The following CPEB1 variants were observed in gnomAD, a reference collection of about 807,000 sequenced individuals.
CPEB1 encodes the protein cytoplasmic polyadenylation element binding protein 1.
In CPEB1, 7 loss-of-function variants were observed where a neutral mutation model predicts 65.8. The ratio of observed to expected loss-of-function variants is 0.11; its 90% CI spans 0.06 to 0.20. The LOEUF (loss-of-function observed/expected upper bound fraction) is 0.20. CPEB1 is among the 10% of genes least tolerant of loss of function. The pLI is 1.00. For synonymous variants in CPEB1, 262 were observed against 260.0 expected (o/e 1.01, Z -0.08); for missense variants, 551 against 712.2 (o/e 0.77, Z 2.58).
intron 1 of CPEB1, chr15:82,633,242 TTTAA>T (rs1399970023): frequency 1.2e-4 from 19 of 152,248 alleles, no homozygotes; most frequent in African/African-American, 4.6e-4. Flanking sequence ...AAAACAATTC[TTTAA>T]TTAAAAAATT....
chr15:82,599,791 T>C (rs565830634), intron 3 of CPEB1, among the ~76,000 whole-genome samples: 2 of 152,182 alleles, frequency 1.3e-5, no homozygotes, highest in African/African-American at 4.8e-5. Context: ...GCCCAAAATC[T>C]CCTGCTGTGA....
chr15:82,584,056 G>C (rs1023237161), intron 3 of CPEB1, among the ~76,000 whole-genome samples: 4 of 150,912 alleles, frequency 2.7e-5, no homozygotes, highest in African/African-American at 9.8e-5. Flanking sequence ...TCAGGAGACA[G>C]AAACCATCCT....
At chr15:82,571,749 C>T (rs1461202283) in intron 3 of CPEB1, 11 of 1,385,946 alleles carry the variant, frequency 7.9e-6, no homozygotes, top group Non-Finnish European at 1.0e-5. Context: ...CACCCCTATC[C>T]CGTCTGCATT....
At chr15:82,638,504 C>A (rs1361960330) in intron 1 of CPEB1, 1 of 152,184 alleles carries the variant, frequency 6.6e-6, no homozygotes. Context: ...TTCTTCAGTG[C>A]TCAAATTGTA....
Position 82,571,464 on chromosome 15 carries a change from G to C in CPEB1, c.340C>G (p.Arg114Gly), listed in dbSNP as rs200188266. 2 of 1,614,032 alleles carry C rather than the reference G, an allele frequency of 1.2e-6. No individual in the cohort carries two copies. The highest frequency in any genetic ancestry group is 1.7e-6 in the Non-Finnish European group (2 of 1,180,018). ...LFPTSAQESS[R>G]GLPDANDLCL... ...AAGTCATTTGCATCTGGGAGGCCAC[G>C]GGAAGATTCTTGCGCAGAGGTTGGG... The change falls in exon 4 of 13, where the codon CGT (arginine) becomes GGT (glycine). Residue 114 changes from arginine (R) to glycine (G), a missense_variant. Transcript: ENST00000684509.
chr15:82,578,053 T>C (rs1335372436), intron 3 of CPEB1, among the ~76,000 whole-genome samples: 1 of 151,976 alleles, frequency 6.6e-6, no homozygotes, highest in Non-Finnish European at 1.5e-5. Flanking sequence ...GGCAGAAGAA[T>C]GGCGTGAACC....
chr15:82,626,718 C>A (rs1226059020), intron 3 of CPEB1, among the ~76,000 whole-genome samples: 3 of 152,120 alleles, frequency 2.0e-5, no homozygotes, highest in Non-Finnish European at 4.4e-5. Context: ...CACTAAACAC[C>A]TGAAATGTCC....
intron 10 of CPEB1, 27 bp from the exon 11 acceptor site, chr15:82,547,264 TCTAACCAAATTCTCCCAAATGCTA>T: frequency 8.0e-7 from 1 of 1,252,980 alleles, no homozygotes; most frequent in Non-Finnish European, 1.1e-6. Context: ...AAGCTTCCCT[TCTAACCAAATTCTCCCAAATGCTA>T]CTTTTTTTTT....
chr15:82,557,679 A>G, intron 5 of CPEB1, 81 bp downstream of exon 5: 1 of 1,190,642 alleles, frequency 8.4e-7, no homozygotes, highest in Non-Finnish European at 1.2e-6. Context: ...CAGGCATCCC[A>G]TAGATATTGT....
At chr15:82,636,800 T>C (rs1223908147) in intron 1 of CPEB1, among the ~76,000 whole-genome samples, 1 of 152,170 alleles carries the variant, frequency 6.6e-6, no homozygotes, top group Non-Finnish European at 1.5e-5. Context: ...ACTCCTGTCA[T>C]AGGTATTTTT....
intron 3 of CPEB1, among the ~76,000 whole-genome samples, chr15:82,584,677 C>CA (rs11320676): frequency 0.053 from 4,468 of 83,570 alleles, 151 homozygotes; most frequent in African/African-American, 0.093. Context: ...GAGACTCCAT[C>CA]AAAAAAAAAA....
At chr15:82,617,516 C>T (rs1379417984) in intron 3 of CPEB1, among the ~76,000 whole-genome samples, 1 of 151,966 alleles carries the variant, frequency 6.6e-6, no homozygotes, top group Non-Finnish European at 1.5e-5. Context: ...TGGGTGGGAT[C>T]CTGGTACAGA....
chr15:82,605,774 C>A (rs1327795828), intron 3 of CPEB1, among the ~76,000 whole-genome samples: 2 of 152,178 alleles, frequency 1.3e-5, no homozygotes, highest in African/African-American at 4.8e-5. Flanking sequence ...CACAGTGGCT[C>A]ATGCCTGTAA....
intron 4 of CPEB1, 108 bp downstream of exon 4, chr15:82,571,236 T>C: frequency 4.3e-6 from 6 of 1,379,898 alleles, no homozygotes; most frequent in Non-Finnish European, 5.8e-6. Context: ...TATGTGTGTA[T>C]GGTGGGGAGT....
At chr15:82,553,265 A>G (rs2036593316) in intron 8 of CPEB1, among the ~76,000 whole-genome samples, 1 of 152,218 alleles carries the variant, frequency 6.6e-6, no homozygotes, top group Non-Finnish European at 1.5e-5. Flanking sequence ...AAGTCTGGAC[A>G]GATGGAACAT....
In CPEB1 at chr15:82,544,368, G is replaced by T; in HGVS notation, c.*224C>A. On this transcript the variant is annotated 3_prime_UTR_variant, in exon 13 of 13. Transcript: ENST00000684509. ...AGAGTCGCTTGGAGGGTAAGCCAGA[G>T]GGTCCTTGCCCTTGGTACACCCCCT... The T allele has an allele frequency of 4.7e-6, 2 of 422,644 alleles. No homozygotes were observed. Among genetic ancestry groups the T allele is most frequent in the East Asian group, 3.9e-5 (1 of 25,696 alleles). 26.2% of individuals were successfully genotyped at this position (422,644 alleles called of 1,614,324 possible).
At chr15:82,544,808 C>A in intron 12 of CPEB1, 106 bp from the exon 13 acceptor site, 1 of 807,740 alleles carries the variant, frequency 1.2e-6, no homozygotes, top group Non-Finnish European at 2.1e-6. Flanking sequence ...GGGAGACTCC[C>A]GATGGCCTCT....
upstream of CPEB1, chr15:82,648,680 A>C (rs587615868): frequency 1.3e-5 from 2 of 153,068 alleles, no homozygotes; most frequent in African/African-American, 2.4e-5. Flanking sequence ...AGGCAAACGC[A>C]GAGTCGGAGA....
At chr15:82,551,421 A>C (rs993011591) in intron 9 of CPEB1, among the ~76,000 whole-genome samples, 2 of 152,178 alleles carry the variant, frequency 1.3e-5, no homozygotes, top group Non-Finnish European at 2.9e-5. Context: ...ATCCCCACCG[A>C]AAGTCCATGG....
Sources: allele counts gnomAD v4.1 joint callset (sites outside exome capture counted in the v4.1 genomes callset), GRCh38; gene constraint gnomAD v4.1.1; transcripts MANE v1.5; gene names NCBI Gene and HGNC (gene_info 2026-07-23, HGNC 2026-07-21).